The following ICA1 variants were observed in gnomAD, a reference collection of about 807,000 sequenced individuals.
ICA1 encodes islet cell autoantigen 1.
Under a neutral mutation model 71.0 loss-of-function variants are expected in ICA1, and 40 were observed. The observed-to-expected ratio is 0.56, with a 90% CI of 0.44 to 0.73. The LOEUF (loss-of-function observed/expected upper bound fraction) is 0.73. Among genes scored for constraint, ICA1 ranks in the 30% least tolerant of loss-of-function variants. The probability of loss-of-function intolerance (pLI) is 0.00; values close to 1 mark genes in which losing one functional copy is unlikely to be tolerated. For missense variants in ICA1, 578 were observed against 576.5 expected (o/e 1.00, Z -0.03); for synonymous variants, 207 against 209.5 (o/e 0.99, Z 0.10).
intron 6 of ICA1, among the ~76,000 whole-genome samples, chr7:8,207,112 A>G (rs6463781): frequency 0.99 from 150,582 of 152,342 alleles, 74,429 homozygotes; most frequent in Middle Eastern, 1. Context: ...GCAGTCACCA[A>G]CAGAACCACA....
Position 8,234,892 on chromosome 7 carries a change from G to A in ICA1, c.17+1018C>T, listed in dbSNP as rs766175164. 2.3e-4 allele frequency among the ~76,000 whole-genome samples: 35 copies of A among 152,198 alleles called. No individual in the cohort carries two copies. The highest frequency in any genetic ancestry group is 9.8e-4 in the Admixed American group (15 of 15,288). On this transcript the variant is annotated intron_variant, in intron 2 of 13. Coordinates refer to ENST00000402384, the MANE Select transcript of ICA1 (RefSeq NM_001136020.3). The surrounding 1 kb of genome is among the most constrained non-coding windows in gnomAD (Gnocchi z 4.5). ...ATAGAATGGATTTCTTTGGCCGGGCGCGGTGGCTCATGCCTGTAATCCCAG... is the reference window on the plus strand; with the variant it reads ...ATAGAATGGATTTCTTTGGCCGGGCACGGTGGCTCATGCCTGTAATCCCAG...
chr7:8,121,939 A>G (rs1787124150), intron 13 of ICA1, among the ~76,000 whole-genome samples: 1 of 152,212 alleles, frequency 6.6e-6, no homozygotes, highest in Non-Finnish European at 1.5e-5. Context: ...TTTTACAATA[A>G]GTTAAGGGGA....
At chr7:8,211,501 A>G (rs1273508169) in intron 6 of ICA1, among the ~76,000 whole-genome samples, 1 of 150,420 alleles carries the variant, frequency 6.6e-6, no homozygotes, top group Non-Finnish European at 1.5e-5. Flanking sequence ...TGGGCCCTGG[A>G]TTTCATTTGT....
At chr7:8,232,966 T>C (rs946845982) in intron 2 of ICA1, among the ~76,000 whole-genome samples, 2 of 152,182 alleles carry the variant, frequency 1.3e-5, no homozygotes, top group African/African-American at 4.8e-5. Context: ...AGTGGAGAAA[T>C]TTAGAATCTT....
At chr7:8,124,305 G>A (rs1332771671) in intron 13 of ICA1, among the ~76,000 whole-genome samples, 2 of 150,026 alleles carry the variant, frequency 1.3e-5, no homozygotes, top group Non-Finnish European at 2.9e-5. Context: ...ATTTTTAGTA[G>A]AGCCGGGGTT....
rs972035717 is a variant in ICA1, at chr7:8,139,195, G to C, written c.956-148C>G. On this transcript the variant is annotated intron_variant, in intron 10 of 13. Coordinates refer to ENST00000402384, the MANE Select transcript of ICA1 (RefSeq NM_001136020.3). Reference sequence around the variant, plus strand: ...AAGCAAGGGTCCTCAGATTACACTGGACTCCTGCTATCAGCTCTCAGAGAA... The same window carrying C: ...AAGCAAGGGTCCTCAGATTACACTGCACTCCTGCTATCAGCTCTCAGAGAA... 4 of 610,290 alleles carry C rather than the reference G, an allele frequency of 6.6e-6. No homozygotes were observed. The African/African-American group carries it at 7.4e-5, about 11-fold the overall frequency. The allele number at this position is 610,290 out of a possible 1,614,324, so 37.8% of individuals were successfully genotyped here.
At chr7:8,209,811 A>C (rs193031381) in intron 6 of ICA1, among the ~76,000 whole-genome samples, 33 of 152,290 alleles carry the variant, frequency 2.2e-4, no homozygotes, top group Admixed American at 1.6e-3. Context: ...GGAGAAGGGA[A>C]TTTCTGGTGG....
chr7:8,233,017 A>T (rs538125655), intron 2 of ICA1, among the ~76,000 whole-genome samples: 18 of 144,686 alleles, frequency 1.2e-4, no homozygotes, highest in Admixed American at 1.1e-3. Context: ...AAGAATGTAG[A>T]TATAACAGAC....
At chr7:8,207,466 A>G (rs887688837) in intron 6 of ICA1, among the ~76,000 whole-genome samples, 1 of 152,236 alleles carries the variant, frequency 6.6e-6, no homozygotes, top group Non-Finnish European at 1.5e-5. Flanking sequence ...TAGCTGCTGA[A>G]GATGAAGCAG....
chr7:8,145,136 T>A (rs1796443560), intron 8 of ICA1, among the ~76,000 whole-genome samples: 1 of 152,230 alleles, frequency 6.6e-6, no homozygotes, highest in Admixed American at 6.5e-5. Context: ...ACCCACGTCA[T>A]CATGTTATCC....
At chr7:8,170,627 C>T (rs1011104728) in intron 6 of ICA1, among the ~76,000 whole-genome samples, 2 of 151,884 alleles carry the variant, frequency 1.3e-5, no homozygotes, top group African/African-American at 2.4e-5. Context: ...TTGTTCATTA[C>T]TAGAAATATA....
chr7:8,194,395 T>A (rs1249631540), intron 6 of ICA1, among the ~76,000 whole-genome samples: 1 of 152,252 alleles, frequency 6.6e-6, no homozygotes, highest in African/African-American at 2.4e-5. Context: ...CGTTAACATC[T>A]TGTTTTCAAT....
chr7:8,213,477 G>C (rs74852550), intron 6 of ICA1, among the ~76,000 whole-genome samples: 2,601 of 152,272 alleles, frequency 0.017, 75 homozygotes, highest in African/African-American at 0.06. Flanking sequence ...GTTTAATCCA[G>C]AGAGCTGAAT....
At chr7:8,183,946 C>T (rs10256125) in intron 6 of ICA1, among the ~76,000 whole-genome samples, 150,632 of 152,346 alleles carry the variant, frequency 0.99, 74,473 homozygotes, top group Middle Eastern at 1. Context: ...AAAAACACCG[C>T]AAGAATAAAA....
At chr7:8,190,015 G>A (rs935792146) in intron 6 of ICA1, among the ~76,000 whole-genome samples, 1 of 152,184 alleles carries the variant, frequency 6.6e-6, no homozygotes, top group Non-Finnish European at 1.5e-5. Context: ...AGGCCTGGTG[G>A]AATTTTGTAC....
chr7:8,246,224 G>A (rs1805955438), intron 1 of ICA1, among the ~76,000 whole-genome samples: 1 of 152,230 alleles, frequency 6.6e-6, no homozygotes, highest in East Asian at 1.9e-4. Context: ...GTCACAGTCA[G>A]CACAACTTGA....
intron 8 of ICA1, among the ~76,000 whole-genome samples, chr7:8,155,492 A>G (rs1442031370): frequency 6.6e-6 from 1 of 152,180 alleles, no homozygotes; most frequent in Non-Finnish European, 1.5e-5. Context: ...CACAACTTCA[A>G]TTTCATGAAT....
chr7:8,175,766 G>A (rs1780417736), intron 6 of ICA1, among the ~76,000 whole-genome samples: 1 of 152,156 alleles, frequency 6.6e-6, no homozygotes, highest in African/African-American at 2.4e-5. Flanking sequence ...GCACACCAAT[G>A]CCTCATGGTC....
intron 1 of ICA1, among the ~76,000 whole-genome samples, chr7:8,244,194 C>T (rs1488485593): frequency 1.3e-5 from 2 of 152,186 alleles, no homozygotes; most frequent in African/African-American, 4.8e-5. Flanking sequence ...CAGCATGGTA[C>T]TGGTATGAAA....
Sources: gnomAD v4.1 joint callset for allele counts (sites outside exome capture counted in the v4.1 genomes callset) on GRCh38, gnomAD v4.1.1 for gene constraint, Gnocchi (gnomAD v3.1) non-coding constraint, MANE v1.5 for transcripts, NCBI Gene and HGNC (gene_info 2026-07-23, HGNC 2026-07-21) for gene names.